The following MAP3K13 variants were observed in gnomAD, a reference collection of about 807,000 sequenced individuals.
MAP3K13 encodes the protein mitogen-activated protein kinase kinase kinase 13.
MAP3K13 carries 52 observed loss-of-function variants against 104.0 expected under a neutral mutation model. The ratio of observed to expected loss-of-function variants is 0.50; its 90% CI spans 0.40 to 0.63. The LOEUF is 0.63. MAP3K13 is among the 20% of genes least tolerant of loss of function. The pLI is 0.00. For missense variants in MAP3K13, 914 were observed against 1,218.5 expected (o/e 0.75, Z 3.72); for synonymous variants, 394 against 442.2 (o/e 0.89, Z 1.37).
intron 1 of MAP3K13, among the ~76,000 whole-genome samples, chr3:185,415,859 A>T (rs1298954349): frequency 6.6e-6 from 1 of 152,170 alleles, no homozygotes; most frequent in East Asian, 1.9e-4. Context: ...CCGGGATTGC[A>T]GGTGTGAGCC....
At chr3:185,474,312 C>A (rs527933388) in intron 11 of MAP3K13, among the ~76,000 whole-genome samples, 12 of 151,986 alleles carry the variant, frequency 7.9e-5, no homozygotes, top group Non-Finnish European at 2.9e-5. Context: ...GGTGGCAGAG[C>A]GAGACTCTGT....
At chr3:185,459,647 A>C (rs1273322568) in intron 7 of MAP3K13, among the ~76,000 whole-genome samples, 1 of 151,896 alleles carries the variant, frequency 6.6e-6, no homozygotes, top group Non-Finnish European at 1.5e-5. Context: ...ATGGGGTTTC[A>C]CCATGTTGGC....
intron 2 of MAP3K13, chr3:185,329,204 C>T (rs1560050044): frequency 7.1e-6 from 5 of 702,824 alleles, no homozygotes; most frequent in Non-Finnish European, 1.3e-5. Context: ...GAAATGATTT[C>T]TAATGTCTTA....
intron 1 of MAP3K13, among the ~76,000 whole-genome samples, chr3:185,422,276 G>A (rs555558670): frequency 3.3e-5 from 5 of 152,174 alleles, no homozygotes; most frequent in African/African-American, 4.8e-5. Flanking sequence ...GGAAGGAGCT[G>A]GGCTGAGGAA....
At chr3:185,453,081 A>G (rs1715983018) in intron 7 of MAP3K13, among the ~76,000 whole-genome samples, 1 of 152,162 alleles carries the variant, frequency 6.6e-6, no homozygotes, top group Non-Finnish European at 1.5e-5. Context: ...ACCACTATCA[A>G]TGTGGATAAG....
rs1423889500 is a variant in MAP3K13 at position 185,484,882 on chromosome 3, T to C, written c.*2426T>C. The stretch of plus-strand genomic sequence containing the variant: ...GTTTATTGCTAACCAGGAATTATTA[T>C]GGATTTTATGATTTTAATGAAGGAA... On this transcript the variant is annotated 3_prime_UTR_variant, in exon 14 of 14. Transcript: ENST00000265026. 1 of 152,192 alleles carries C rather than the reference T, an allele frequency of 6.6e-6. No homozygotes were observed. The highest frequency in any genetic ancestry group is 2.4e-5 in the African/African-American group (1 of 41,442). 9.4% of individuals were successfully genotyped at this position (152,192 alleles called of 1,614,324 possible). A position where few individuals can be genotyped will look rare whatever the true frequency, so the allele number is the denominator to read the frequency against.
chr3:185,346,410 C>T (rs777532600), intron 2 of MAP3K13, among the ~76,000 whole-genome samples: 3 of 152,134 alleles, frequency 2.0e-5, no homozygotes, highest in Non-Finnish European at 4.4e-5. Flanking sequence ...TGTTAGATCA[C>T]CTGGTATCTA....
intron 7 of MAP3K13, among the ~76,000 whole-genome samples, chr3:185,459,607 G>A (rs1397145698): frequency 6.6e-6 from 1 of 151,814 alleles, no homozygotes; most frequent in Non-Finnish European, 1.5e-5. Context: ...CTGCCATCAT[G>A]CTGGCTAATT....
At chr3:185,458,959 C>T (rs867512198) in intron 7 of MAP3K13, among the ~76,000 whole-genome samples, 9 of 152,322 alleles carry the variant, frequency 5.9e-5, no homozygotes, top group Non-Finnish European at 1.0e-4. Context: ...AATTACTGTT[C>T]CTGGTATTCA....
chr3:185,420,733 G>T (rs1000128924), intron 1 of MAP3K13, among the ~76,000 whole-genome samples: 2 of 152,130 alleles, frequency 1.3e-5, no homozygotes, highest in African/African-American at 4.8e-5. Flanking sequence ...TCATATTTAT[G>T]ATATAAAATT....
In MAP3K13 at chr3:185,426,484, A is replaced by G. The variant is rs183268029; in HGVS notation, c.-85-2013A>G. Among the ~76,000 whole-genome samples the G allele has an allele frequency of 1.7e-3, 257 of 152,338 alleles. 1 individual carries two copies. Among genetic ancestry groups the G allele is most frequent in the African/African-American group, 5.6e-3 (232 of 41,574 alleles). ...TCTCAGTTATGAAGATAAGAAAATA[A>G]TAAAATTGAGAGGGTCTATTTTAAT... On this transcript the variant is annotated intron_variant, in intron 1 of 13. Transcript: ENST00000265026.
intron 7 of MAP3K13, among the ~76,000 whole-genome samples, chr3:185,461,559 TA>T (rs1307828471): frequency 6.6e-6 from 1 of 152,170 alleles, no homozygotes; most frequent in Non-Finnish European, 1.5e-5. Context: ...TATTTTATTT[TA>T]TTTTTTTAAT....
intron 2 of MAP3K13, among the ~76,000 whole-genome samples, chr3:185,318,863 T>C (rs575292408): frequency 3.9e-5 from 6 of 152,354 alleles, no homozygotes; most frequent in South Asian, 4.1e-4. Flanking sequence ...AGAACATTTG[T>C]GTACCTACAG....
At chr3:185,466,004 G>GCA (rs1240298255) in intron 9 of MAP3K13, 141 bp downstream of exon 9, 5 of 676,714 alleles carry the variant, frequency 7.4e-6, no homozygotes, top group Admixed American at 2.3e-5. Context: ...GATGTGCTAT[G>GCA]CACAGGTCCC....
At chr3:185,382,658 G>A (rs1724783640) in intron 1 of MAP3K13, among the ~76,000 whole-genome samples, 1 of 151,986 alleles carries the variant, frequency 6.6e-6, no homozygotes, top group Non-Finnish European at 1.5e-5. Flanking sequence ...ATCCTCATGG[G>A]AATAAGTGGG....
At position 185,428,893 on chromosome 3, in the gene MAP3K13, G is replaced by C; in HGVS notation, c.312G>C (p.Thr104=). The C allele has an allele frequency of 6.2e-7, 1 of 1,614,190 alleles. No individual in the cohort carries two copies. Residue 104 remains threonine (T), a synonymous_variant, in exon 2 of 14, where the codon ACG becomes ACC. Coordinates refer to ENST00000265026, the MANE Select transcript of MAP3K13 (RefSeq NM_004721.5). ...ETAVSQGNSN[T]VDGESTSGTE... is the part of the protein sequence containing the mutation. ...CGGTGTCTCAGGGGAACAGCAACAC[G>C]GTGGACGGAGAGAGCACAAGCGGAA... is the stretch of plus-strand genomic sequence containing the variant.
chr3:185,482,598 G>A lies in MAP3K13; in HGVS notation c.*142G>A. On this transcript the variant is annotated 3_prime_UTR_variant, in exon 14 of 14. Coordinates refer to ENST00000265026, the MANE Select transcript of MAP3K13 (RefSeq NM_004721.5). This position sits in a 1 kb window ranked among gnomAD's most constrained non-coding sequence, Gnocchi z 4.5. ...CTTTACCACCCCCTAGAAATGAGCT[G>A]CAATAACAGGAACATGAGACTTCGC... is the stretch of plus-strand genomic sequence containing the variant. The A allele has an allele frequency of 1.7e-6, 1 of 591,824 alleles. No homozygotes were observed. Among genetic ancestry groups the A allele is most frequent in the South Asian group, 2.2e-5 (1 of 45,134 alleles). 36.7% of individuals were successfully genotyped at this position (591,824 alleles called of 1,614,324 possible). A position where few individuals can be genotyped will look rare whatever the true frequency, so the allele number is the denominator to read the frequency against.
At chr3:185,324,657 C>CT (rs941134404) in intron 2 of MAP3K13, among the ~76,000 whole-genome samples, 1 of 152,140 alleles carries the variant, frequency 6.6e-6, no homozygotes, top group African/African-American at 2.4e-5. Context: ...TTCTCCTCCA[C>CT]TTATATCTCC....
rs1008098387 is a variant in MAP3K13 at position 185,485,857 on chromosome 3, C to T, written c.*3401C>T. The T allele has an allele frequency of 6.6e-6, 1 of 152,052 alleles. No individual in the cohort carries two copies. The highest frequency in any genetic ancestry group is 1.5e-5 in the Non-Finnish European group (1 of 68,006). The allele number at this position is 152,052 out of a possible 1,614,324, so 9.4% of individuals were successfully genotyped here. ...ACATGTAGGGCATGACATAAAATGC[C>T]TAACTGTGATGTCATCCTAGAACAA... On this transcript the variant is annotated 3_prime_UTR_variant, in exon 14 of 14. Coordinates refer to ENST00000265026, the MANE Select transcript of MAP3K13 (RefSeq NM_004721.5).
Sources: gnomAD v4.1 joint callset for allele counts (sites outside exome capture counted in the v4.1 genomes callset) on GRCh38, gnomAD v4.1.1 for gene constraint, Gnocchi (gnomAD v3.1) non-coding constraint, MANE v1.5 for transcripts, NCBI Gene and HGNC (gene_info 2026-07-23, HGNC 2026-07-21) for gene names.